The following HSD17B12 variants were observed in gnomAD, a reference collection of about 807,000 sequenced individuals.
HSD17B12 encodes hydroxysteroid 17-beta dehydrogenase 12, also known as very-long-chain 3-oxoacyl-CoA reductase.
In HSD17B12, 32 loss-of-function variants were observed where a neutral mutation model predicts 39.3. The observed-to-expected ratio is 0.81, with a 90% CI of 0.61 to 1.09. The LOEUF (loss-of-function observed/expected upper bound fraction) is 1.09. Among genes scored for constraint, HSD17B12 ranks in the 50% least tolerant of loss-of-function variants. The pLI, the probability that HSD17B12 is intolerant of heterozygous loss-of-function variation, is 0.00. For synonymous variants in HSD17B12, 150 were observed against 146.7 expected (o/e 1.02, Z -0.16); for missense variants, 342 against 382.9 (o/e 0.89, Z 0.89).
At chr11:43,853,641 T>C (rs1951554725) in intron 9 of HSD17B12, 1 of 152,050 alleles carries the variant, frequency 6.6e-6, no homozygotes, top group African/African-American at 2.4e-5. Flanking sequence ...AATTTTAAAT[T>C]AGCTGGGCAT....
chr11:43,719,990 C>T (rs1244047269), intron 1 of HSD17B12, among the ~76,000 whole-genome samples: 1 of 152,180 alleles, frequency 6.6e-6, no homozygotes, highest in Non-Finnish European at 1.5e-5. Flanking sequence ...TAATCCCTTT[C>T]CAGGACAGAA....
At chr11:43,705,643 T>C (rs1171846367) in intron 1 of HSD17B12, among the ~76,000 whole-genome samples, 1 of 152,068 alleles carries the variant, frequency 6.6e-6, no homozygotes, top group Non-Finnish European at 1.5e-5. Flanking sequence ...ACTCTGCCAT[T>C]TTTCCATATT....
chr11:43,776,976 G>A (rs1020338287), intron 3 of HSD17B12, among the ~76,000 whole-genome samples: 2 of 152,010 alleles, frequency 1.3e-5, no homozygotes, highest in African/African-American at 4.8e-5. Flanking sequence ...TCTCTGTTTT[G>A]GTACCAGTAC....
chr11:43,768,123 C>T (rs1044416713), intron 3 of HSD17B12, among the ~76,000 whole-genome samples: 39 of 152,122 alleles, frequency 2.6e-4, no homozygotes, highest in Non-Finnish European at 4.7e-4. Flanking sequence ...CTGTGTTCTC[C>T]GTGACTCCAT....
chr11:43,673,742 C>T, the HSD17B12 span, among the ~76,000 whole-genome samples: 1,277 of 151,908 alleles, frequency 8.4e-3, 20 homozygotes, highest in African/African-American at 0.029. Context: ...AGGCTGATTT[C>T]GAACTCCTGA....
At chr11:43,619,247 T>TATATATATATAATATATATATATAAA in the HSD17B12 span, among the ~76,000 whole-genome samples, 3 of 50,296 alleles carry the variant, frequency 6.0e-5, no homozygotes, top group East Asian at 7.1e-4. Flanking sequence ...ATATATAAAA[T>TATATATATATAATATATATATATAAA]ATATATATAT....
chr11:43,650,619 T>C, the HSD17B12 span, among the ~76,000 whole-genome samples: 3 of 152,210 alleles, frequency 2.0e-5, no homozygotes, highest in African/African-American at 7.2e-5. Context: ...AAGTCTTACA[T>C]AGGTCTCTAA....
intron 4 of HSD17B12, among the ~76,000 whole-genome samples, chr11:43,809,947 T>G (rs1431083345): frequency 6.6e-6 from 1 of 152,192 alleles, no homozygotes; most frequent in Non-Finnish European, 1.5e-5. Flanking sequence ...TTTGATACAA[T>G]GAGAAGGAAA....
chr11:43,711,453 T>C (rs532039728), intron 1 of HSD17B12, among the ~76,000 whole-genome samples: 1 of 151,802 alleles, frequency 6.6e-6, no homozygotes, highest in South Asian at 2.1e-4. Flanking sequence ...TGGTGTGTTT[T>C]TTTGTTTGCT....
intron 3 of HSD17B12, among the ~76,000 whole-genome samples, chr11:43,756,065 A>T (rs1472250167): frequency 6.6e-6 from 1 of 151,906 alleles, no homozygotes; most frequent in Non-Finnish European, 1.5e-5. Flanking sequence ...TATGGGGGGA[A>T]CCGCCCCCAT....
At chr11:43,685,824 A>C (rs1356862714) in intron 1 of HSD17B12, among the ~76,000 whole-genome samples, 1 of 152,160 alleles carries the variant, frequency 6.6e-6, no homozygotes, top group Admixed American at 6.5e-5. Context: ...CACTTTTTAA[A>C]ATTTAAATTT....
chr11:43,641,321 A>C, the HSD17B12 span, among the ~76,000 whole-genome samples: 68 of 152,092 alleles, frequency 4.5e-4, no homozygotes, highest in East Asian at 7.9e-3. Flanking sequence ...AATATTTAAG[A>C]CATAACCAAA....
the HSD17B12 span, among the ~76,000 whole-genome samples, chr11:43,674,757 C>G: frequency 1.4e-3 from 208 of 152,282 alleles, no homozygotes; most frequent in African/African-American, 4.8e-3. Flanking sequence ...CACATCAAAG[C>G]CTTCATTCCG....
intron 1 of HSD17B12, among the ~76,000 whole-genome samples, chr11:43,740,303 T>A (rs1460558561): frequency 6.6e-6 from 1 of 152,192 alleles, no homozygotes; most frequent in East Asian, 1.9e-4. Flanking sequence ...ATTACCTGGA[T>A]GATATCAGTG....
At chr11:43,717,907 CA>C (rs1334636287) in intron 1 of HSD17B12, among the ~76,000 whole-genome samples, 1 of 150,906 alleles carries the variant, frequency 6.6e-6, no homozygotes, top group East Asian at 1.9e-4. Flanking sequence ...TGGGTTTAAG[CA>C]ATTCTCATAC....
chr11:43,624,083 A>G, the HSD17B12 span, among the ~76,000 whole-genome samples: 1 of 151,984 alleles, frequency 6.6e-6, no homozygotes, highest in African/African-American at 2.4e-5. Context: ...ACCTAAAAAG[A>G]AGATTTGAGC....
At chr11:43,787,547 G>A (rs1950826725) in intron 3 of HSD17B12, among the ~76,000 whole-genome samples, 1 of 151,828 alleles carries the variant, frequency 6.6e-6, no homozygotes, top group Admixed American at 6.6e-5. Flanking sequence ...GACCAGCCTG[G>A]CCAACATTGT....
chr11:43,775,654 A>G (rs1950694662), intron 3 of HSD17B12, among the ~76,000 whole-genome samples: 1 of 151,720 alleles, frequency 6.6e-6, no homozygotes, highest in Admixed American at 6.6e-5. Context: ...CATGTGCACA[A>G]TGTGCAAGTT....
At chr11:43,599,012 A>G in the HSD17B12 span, among the ~76,000 whole-genome samples, 1 of 152,258 alleles carries the variant, frequency 6.6e-6, no homozygotes, top group Non-Finnish European at 1.5e-5. Context: ...CACTTTGGAC[A>G]ATATCATAGT....
Sources: gnomAD v4.1 joint callset for allele counts (sites outside exome capture counted in the v4.1 genomes callset) on GRCh38, gnomAD v4.1.1 for gene constraint, MANE v1.5 for transcripts, NCBI Gene and HGNC (gene_info 2026-07-23, HGNC 2026-07-21) for gene names.